SEMA6D: variants seen among roughly 807,000 people sequenced by gnomAD.
SEMA6D encodes semaphorin-6D.
A neutral mutation model predicts 106.6 loss-of-function variants in SEMA6D; 35 were observed. The observed-to-expected ratio is 0.33, with a 90% CI of 0.25 to 0.44. SEMA6D has a LOEUF of 0.44. Among genes scored for constraint, SEMA6D ranks in the 20% least tolerant of loss-of-function variants. The probability of loss-of-function intolerance (pLI) is 1.00; values close to 1 mark genes in which losing one functional copy is unlikely to be tolerated. For missense variants in SEMA6D, 1,185 were observed against 1,345.9 expected (o/e 0.88, Z 1.87); for synonymous variants, 499 against 487.7 (o/e 1.02, Z -0.31).
chr15:47,579,140 ATTTTT>A (rs34862760), intron 3 of SEMA6D, among the ~76,000 whole-genome samples: 4 of 129,366 alleles, frequency 3.1e-5, no homozygotes, highest in African/African-American at 5.7e-5. Flanking sequence ...AGAAATCTGT[ATTTTT>A]TTTTTTTTTT....
intron 4 of SEMA6D, among the ~76,000 whole-genome samples, chr15:47,611,148 TACACACACACACAC>T (rs71432248): frequency 2.2e-4 from 31 of 141,670 alleles, no homozygotes; most frequent in African/African-American, 5.2e-4. Context: ...CCGTCCTACA[TACACACACACACAC>T]ACACACACAC....
At chr15:47,238,672 T>C (rs1040080085) in intron 1 of SEMA6D, among the ~76,000 whole-genome samples, 3 of 151,874 alleles carry the variant, frequency 2.0e-5, no homozygotes, top group African/African-American at 4.8e-5. Flanking sequence ...AAAAAAAAAA[T>C]CTAGGTCACA....
intron 1 of SEMA6D, among the ~76,000 whole-genome samples, chr15:47,317,063 G>A (rs2036712204): frequency 6.6e-6 from 1 of 152,070 alleles, no homozygotes; most frequent in African/African-American, 2.4e-5. Flanking sequence ...GTTTTGCAAG[G>A]TTATTAGTTA....
chr15:47,360,728 A>C (rs567895205), intron 1 of SEMA6D, among the ~76,000 whole-genome samples: 6 of 152,252 alleles, frequency 3.9e-5, no homozygotes, highest in African/African-American at 9.6e-5. Context: ...TTTTTATCCA[A>C]CTACCTCCAC....
intron 3 of SEMA6D, among the ~76,000 whole-genome samples, chr15:47,504,417 T>C (rs566856947): frequency 1.3e-5 from 2 of 152,206 alleles, no homozygotes; most frequent in South Asian, 4.1e-4. Flanking sequence ...GCAAGCATAG[T>C]GCTCATCCAA....
At chr15:47,435,624 G>C (rs1047176061) in intron 2 of SEMA6D, among the ~76,000 whole-genome samples, 2 of 152,062 alleles carry the variant, frequency 1.3e-5, no homozygotes, top group African/African-American at 2.4e-5. Context: ...GCTCTTGAGA[G>C]ATGCAAGATG....
chr15:47,654,964 C>T (rs1024337799), intron 4 of SEMA6D, among the ~76,000 whole-genome samples: 1 of 152,174 alleles, frequency 6.6e-6, no homozygotes, highest in Non-Finnish European at 1.5e-5. Flanking sequence ...TCTTCATCCT[C>T]ATCATCTTCT....
intron 3 of SEMA6D, among the ~76,000 whole-genome samples, chr15:47,478,118 A>G (rs17314486): frequency 0.12 from 18,460 of 152,106 alleles, 1,532 homozygotes; most frequent in South Asian, 0.17. Context: ...AGCACACAGC[A>G]TATATATGTA....
chr15:47,442,731 T>A (rs1022121746), intron 2 of SEMA6D, among the ~76,000 whole-genome samples: 2 of 152,144 alleles, frequency 1.3e-5, no homozygotes, highest in Non-Finnish European at 2.9e-5. Context: ...GGGTTGGAAG[T>A]GCATTTGCCA....
intron 1 of SEMA6D, among the ~76,000 whole-genome samples, chr15:47,256,309 A>G (rs2033799703): frequency 6.6e-6 from 1 of 152,212 alleles, no homozygotes; most frequent in South Asian, 2.1e-4. Flanking sequence ...GAGTATGGAC[A>G]TACTATGTTG....
intron 4 of SEMA6D, among the ~76,000 whole-genome samples, chr15:47,626,624 G>T (rs1248701333): frequency 1.3e-5 from 2 of 152,144 alleles, no homozygotes; most frequent in Non-Finnish European, 2.9e-5. Context: ...AAAACAGTGG[G>T]ATTGTTATTG....
At chr15:47,440,081 G>T (rs1487761360) in intron 2 of SEMA6D, among the ~76,000 whole-genome samples, 2 of 152,086 alleles carry the variant, frequency 1.3e-5, no homozygotes, top group African/African-American at 2.4e-5. Flanking sequence ...CAAAAAGAAG[G>T]ATGGAAACCA....
At chr15:47,430,864 G>C (rs531551570) in intron 2 of SEMA6D, among the ~76,000 whole-genome samples, 1 of 152,114 alleles carries the variant, frequency 6.6e-6, no homozygotes, top group Admixed American at 6.6e-5. Context: ...TGGAGGTGAT[G>C]AATTGCAGGA....
At chr15:47,539,768 A>C (rs2045299040) in intron 3 of SEMA6D, among the ~76,000 whole-genome samples, 1 of 152,188 alleles carries the variant, frequency 6.6e-6, no homozygotes, top group Non-Finnish European at 1.5e-5. Context: ...TGTGCTTAGC[A>C]CTGTGGGAAG....
intron 13 of SEMA6D, 185 bp from the exon 14 acceptor site, chr15:47,765,684 T>C: frequency 1.6e-6 from 1 of 613,508 alleles, no homozygotes; most frequent in African/African-American, 1.9e-5. Context: ...TTGTCCAGCC[T>C]GAAATTTAAC....
chr15:47,511,124 G>A (rs2044215765), intron 3 of SEMA6D, among the ~76,000 whole-genome samples: 1 of 152,102 alleles, frequency 6.6e-6, no homozygotes, highest in South Asian at 2.1e-4. Context: ...TACACATGCT[G>A]TTGTTGGAGC....
chr15:47,291,444 A>T (rs2035589853), intron 1 of SEMA6D, among the ~76,000 whole-genome samples: 1 of 152,224 alleles, frequency 6.6e-6, no homozygotes, highest in South Asian at 2.1e-4. Flanking sequence ...TCTCACCTGC[A>T]GATGGCATCT....
chr15:47,557,248 G>A lies in SEMA6D; in HGVS notation c.-86-43617G>A, dbSNP rs143158866. Among the ~76,000 whole-genome samples, 36 of 152,234 alleles carry A rather than the reference G, an allele frequency of 2.4e-4. No homozygotes were observed. The East Asian group carries it at 6.9e-3, about 29-fold the overall frequency. On this transcript the variant is annotated intron_variant, in intron 3 of 19. Transcript: ENST00000558014. ...TGTCTGTGGGGGTGCCTGTCACATA[G>A]CAGGCACTCTATCACTGCACTTTTG... is the stretch of plus-strand genomic sequence containing the variant.
At chr15:47,317,837 T>C (rs1026925358) in intron 1 of SEMA6D, among the ~76,000 whole-genome samples, 1 of 152,100 alleles carries the variant, frequency 6.6e-6, no homozygotes, top group Non-Finnish European at 1.5e-5. Flanking sequence ...AGGTGTAGTG[T>C]TTTAGGCACT....
Sources: allele counts gnomAD v4.1 joint callset (sites outside exome capture counted in the v4.1 genomes callset), GRCh38; gene constraint gnomAD v4.1.1; transcripts MANE v1.5; gene names NCBI Gene and HGNC (gene_info 2026-07-23, HGNC 2026-07-21).